Variants in PGGT1B observed in about 807,000 individuals in gnomAD.
The protein encoded by PGGT1B is geranylgeranyl transferase type-1 subunit beta.
A neutral mutation model predicts 46.1 loss-of-function variants in PGGT1B; 30 were observed. The ratio of observed to expected loss-of-function variants is 0.65; its 90% CI spans 0.49 to 0.88. PGGT1B has a LOEUF of 0.88. Ranked by LOEUF, PGGT1B falls within the 40% of genes least tolerant of loss-of-function variation. PGGT1B has a pLI of 0.00. For synonymous variants in PGGT1B, 170 were observed against 160.0 expected (o/e 1.06, Z -0.47); for missense variants, 376 against 455.9 (o/e 0.82, Z 1.60).
At chr5:115,249,786 C>G (rs1247325661) in intron 2 of PGGT1B, among the ~76,000 whole-genome samples, 13 of 152,108 alleles carry the variant, frequency 8.5e-5, no homozygotes, top group Non-Finnish European at 2.9e-5. Context: ...ATATGACAGA[C>G]AGTTTCATGT....
chr5:115,251,025 T>C (rs1748070502), intron 2 of PGGT1B, among the ~76,000 whole-genome samples: 1 of 152,190 alleles, frequency 6.6e-6, no homozygotes, highest in African/African-American at 2.4e-5. Flanking sequence ...ATGGGTAGTC[T>C]GTATAATTAC....
Position 115,221,615 on chromosome 5 carries a change from T to C in PGGT1B, c.843+209A>G, listed in dbSNP as rs116218256. 4.2e-3 allele frequency among the ~76,000 whole-genome samples: 632 copies of C among 152,020 alleles called. 4 individuals are homozygous for C. The highest frequency in any genetic ancestry group is 0.014 in the African/African-American group (597 of 41,514). ...AAACTCAAGTTCTGGGTTACTTGAG[T>C]TTTCCAAGAATGAAAATTTTCAAGC... is the stretch of plus-strand genomic sequence containing the variant. On this transcript the variant is annotated intron_variant, in intron 7 of 8. Transcript: ENST00000419445.
chr5:115,226,704 A>G (rs1756794776), intron 6 of PGGT1B, among the ~76,000 whole-genome samples: 1 of 152,112 alleles, frequency 6.6e-6, no homozygotes, highest in African/African-American at 2.4e-5. Context: ...AGTACATTGT[A>G]CAAGGGCATA....
rs1177691938 is a variant in PGGT1B at position 115,207,259 on chromosome 5, C to G, written c.*5143G>C. The G allele has an allele frequency of 2.9e-5, 4 of 139,982 alleles. No individual in the cohort carries two copies. The highest frequency in any genetic ancestry group is 1.1e-4 in the African/African-American group (4 of 37,660). 8.7% of individuals were successfully genotyped at this position (139,982 alleles called of 1,614,324 possible). A position where few individuals can be genotyped will look rare whatever the true frequency, so the allele number is the denominator to read the frequency against. On this transcript the variant is annotated 3_prime_UTR_variant, in exon 9 of 9. Transcript: ENST00000419445. ...TTTTACTGAGCTATAATTATACATACAGAAAAGTGCACAAATCATATACAG... is the reference window on the plus strand; with the variant it reads ...TTTTACTGAGCTATAATTATACATAGAGAAAAGTGCACAAATCATATACAG...
chr5:115,217,072 G>C (rs1756442720), intron 7 of PGGT1B, 99 bp from the exon 8 acceptor site: 2 of 658,656 alleles, frequency 3.0e-6, no homozygotes, highest in Non-Finnish European at 5.5e-6. Flanking sequence ...CTTTTCTTTA[G>C]CTAAGGTGCT....
rs1454005518 is a variant in PGGT1B, at chr5:115,207,349, T to C, written c.*5053A>G. 2 of 151,510 alleles carry C rather than the reference T, an allele frequency of 1.3e-5. No homozygotes were observed. The highest frequency in any genetic ancestry group is 1.3e-4 in the Admixed American group (2 of 15,200). The allele number at this position is 151,510 out of a possible 1,614,324, so 9.4% of individuals were successfully genotyped here. On this transcript the variant is annotated 3_prime_UTR_variant, in exon 9 of 9. Coordinates refer to ENST00000419445, the MANE Select transcript of PGGT1B (RefSeq NM_005023.4). ...AGCACCTAGATCATGAAACAGAACA[T>C]TACCAGCACCGCAGAGTCTCCCTTG...
At chr5:115,227,315 T>A (rs1756819943) in intron 6 of PGGT1B, among the ~76,000 whole-genome samples, 1 of 152,156 alleles carries the variant, frequency 6.6e-6, no homozygotes, top group African/African-American at 2.4e-5. Flanking sequence ...AGGATCCACT[T>A]CCCTGTATGG....
intron 7 of PGGT1B, 43 bp from the exon 8 acceptor site, chr5:115,217,016 A>C (rs570734573): frequency 5.8e-6 from 5 of 867,062 alleles, no homozygotes; most frequent in Non-Finnish European, 9.7e-6. Context: ...CATAAAACTC[A>C]TATCAACCTT....
At chr5:115,222,065 G>A in intron 6 of PGGT1B, 57 bp from the exon 7 acceptor site, 1 of 1,012,640 alleles carries the variant, frequency 9.9e-7, no homozygotes, top group Non-Finnish European at 1.4e-6. Context: ...TATGAAAATA[G>A]TACAAAATGT....
At position 115,207,957 on chromosome 5, in the gene PGGT1B, T is replaced by G. The variant is rs1756112123; in HGVS notation, c.*4445A>C. Reference sequence around the variant, plus strand: ...ACTTAGTATAGTTAACATAAGTGAGTGCTCAATTCTATCATGTCTTTTCTG... The same window carrying G: ...ACTTAGTATAGTTAACATAAGTGAGGGCTCAATTCTATCATGTCTTTTCTG... On this transcript the variant is annotated 3_prime_UTR_variant, in exon 9 of 9. Coordinates refer to ENST00000419445, the MANE Select transcript of PGGT1B (RefSeq NM_005023.4). The G allele has an allele frequency of 6.6e-6, 1 of 152,022 alleles. No individual in the cohort carries two copies. Among genetic ancestry groups the G allele is most frequent in the African/African-American group, 2.4e-5 (1 of 41,412 alleles). 9.4% of individuals were successfully genotyped at this position (152,022 alleles called of 1,614,324 possible).
intron 7 of PGGT1B, among the ~76,000 whole-genome samples, chr5:115,220,841 A>C (rs1303488693): frequency 6.6e-6 from 1 of 151,972 alleles, no homozygotes; most frequent in Non-Finnish European, 1.5e-5. Flanking sequence ...CAGAGAATAT[A>C]AAAAATGATA....
At chr5:115,221,007 C>A (rs1459827485) in intron 7 of PGGT1B, among the ~76,000 whole-genome samples, 1 of 151,818 alleles carries the variant, frequency 6.6e-6, no homozygotes, top group Admixed American at 6.6e-5. Context: ...TTGAAATTTC[C>A]CACAGTCCAA....
Position 115,204,047 on chromosome 5 carries a change from G to A in PGGT1B, c.*8355C>T, listed in dbSNP as rs73253432. The A allele has an allele frequency of 4.6e-5, 7 of 152,036 alleles. No individual in the cohort carries two copies. The highest frequency in any genetic ancestry group is 7.4e-5 in the Non-Finnish European group (5 of 68,016). The allele number at this position is 152,036 out of a possible 1,614,324, so 9.4% of individuals were successfully genotyped here. ...ATATCTGAGTATTTATTATGTTTTC[G>A]ATCCAGCTACCACACACTAAAATCA... On this transcript the variant is annotated 3_prime_UTR_variant, in exon 9 of 9. Transcript: ENST00000419445.
chr5:115,253,511 C>T (rs1380683184), intron 1 of PGGT1B, among the ~76,000 whole-genome samples: 1 of 151,834 alleles, frequency 6.6e-6, no homozygotes, highest in Non-Finnish European at 1.5e-5. Flanking sequence ...ACAAACAAGA[C>T]CCACTGAAGC....
chr5:115,229,965 G>A (rs533842737), intron 6 of PGGT1B, among the ~76,000 whole-genome samples: 1 of 152,244 alleles, frequency 6.6e-6, no homozygotes, highest in South Asian at 2.1e-4. Flanking sequence ...AGGGAGTGAA[G>A]AGGTGAGAAG....
intron 5 of PGGT1B, among the ~76,000 whole-genome samples, chr5:115,235,673 A>G (rs1425078875): frequency 1.3e-5 from 2 of 152,064 alleles, no homozygotes; most frequent in Admixed American, 1.3e-4. Context: ...AACTCCTTTA[A>G]TGGTATCTTC....
chr5:115,216,514 G>C (rs1756423685), intron 8 of PGGT1B, among the ~76,000 whole-genome samples: 1 of 152,146 alleles, frequency 6.6e-6, no homozygotes, highest in Non-Finnish European at 1.5e-5. Flanking sequence ...CTTAGTTCAA[G>C]TCATGACTAA....
intron 1 of PGGT1B, among the ~76,000 whole-genome samples, chr5:115,256,268 G>A (rs1314857193): frequency 6.6e-6 from 1 of 152,140 alleles, no homozygotes; most frequent in South Asian, 2.1e-4. Flanking sequence ...AGAATTATCT[G>A]GCCTAAAATG....
At position 115,238,111 on chromosome 5, in the gene PGGT1B, T is replaced by C. The variant is rs1300191889; in HGVS notation, c.328-102A>G. On this transcript the variant is annotated intron_variant, in intron 3 of 8. Transcript: ENST00000419445. ...TTTTAGTAAATAGTAAAATTAAATA[T>C]GGCTTATACTGATTTGTATAGACAT... is the stretch of plus-strand genomic sequence containing the variant. 30 of 734,808 alleles carry C rather than the reference T, an allele frequency of 4.1e-5. 1 individual carries two copies. The South Asian group carries it at 6.0e-4, about 15-fold the overall frequency. The allele number at this position is 734,808 out of a possible 1,614,324, so 45.5% of individuals were successfully genotyped here. A position where few individuals can be genotyped will look rare whatever the true frequency, so the allele number is the denominator to read the frequency against.
Sources: gnomAD v4.1 joint callset for allele counts (sites outside exome capture counted in the v4.1 genomes callset) on GRCh38, gnomAD v4.1.1 for gene constraint, MANE v1.5 for transcripts, NCBI Gene and HGNC (gene_info 2026-07-23, HGNC 2026-07-21) for gene names.